The following KMT2E variants were observed in gnomAD, a reference collection of about 807,000 sequenced individuals.
The protein encoded by KMT2E is lysine methyltransferase 2E (inactive).
A neutral mutation model predicts 184.6 loss-of-function variants in KMT2E; 30 were observed. That is an observed-to-expected ratio of 0.16 (90% CI 0.12 to 0.22). The LOEUF is 0.22. Ranked by LOEUF, KMT2E falls within the 10% of genes least tolerant of loss-of-function variation. KMT2E has a pLI of 1.00. For missense variants in KMT2E, 2,023 were observed against 2,237.4 expected (o/e 0.90, Z 1.93); for synonymous variants, 815 against 776.5 (o/e 1.05, Z -0.82).
At chr7:105,069,476 T>C (rs1207490631) in intron 6 of KMT2E, among the ~76,000 whole-genome samples, 2 of 152,192 alleles carry the variant, frequency 1.3e-5, no homozygotes, top group Non-Finnish European at 2.9e-5. Flanking sequence ...TTTAGAACTT[T>C]CCCCCCATAG....
rs1364126175 is a variant in KMT2E, at chr7:105,105,489, T to C, written c.2247T>C (p.Pro749=). The C allele has an allele frequency of 6.2e-7, 1 of 1,610,840 alleles. No individual in the cohort carries two copies. Among genetic ancestry groups the C allele is most frequent in the Non-Finnish European group, 8.5e-7 (1 of 1,179,120 alleles). The change falls in exon 18 of 27, where the codon CCT becomes CCC. Residue 749 remains proline, a synonymous_variant. Transcript: ENST00000311117. ...AGAAGAATGAGAAGACAGGAAAACC[T>C]TCAGATGGCCTTTCAGAAAGGCCTC... ...LSEKNEKTGK[P]SDGLSERPLR...
intron 21 of KMT2E, 35 bp from the exon 22 acceptor site, chr7:105,107,327 T>C: frequency 6.5e-7 from 1 of 1,531,862 alleles, no homozygotes; most frequent in Non-Finnish European, 8.8e-7. Context: ...AAGATGTGAT[T>C]ATTTGTGTAA....
intron 26 of KMT2E, 57 bp downstream of exon 26, chr7:105,110,925 G>A (rs1174119202): frequency 1.7e-6 from 2 of 1,197,222 alleles, no homozygotes; most frequent in Non-Finnish European, 2.5e-6. Flanking sequence ...GTGCAGAAAA[G>A]CTGATGGTTA....
chr7:105,064,568 C>T (rs74647879), intron 5 of KMT2E, among the ~76,000 whole-genome samples: 5,164 of 151,784 alleles, frequency 0.034, 316 homozygotes, highest in African/African-American at 0.12. Context: ...TTACTCTTGC[C>T]AAAAAATGAG....
At chr7:105,073,037 G>A (rs202175565) in intron 6 of KMT2E, among the ~76,000 whole-genome samples, 1 of 146,418 alleles carries the variant, frequency 6.8e-6, no homozygotes, top group South Asian at 2.1e-4. Context: ...TTAATTACAT[G>A]TTAACATTAT....
chr7:105,107,958 T>C, intron 22 of KMT2E, 33 bp downstream of exon 22: 2 of 1,418,224 alleles, frequency 1.4e-6, no homozygotes, highest in Non-Finnish European at 1.9e-6. Context: ...GTCCTTTTAA[T>C]AGTTTTTTTT....
chr7:105,049,963 GGATCTTA>G (rs1187220390), intron 3 of KMT2E, among the ~76,000 whole-genome samples: 1 of 152,048 alleles, frequency 6.6e-6, no homozygotes, highest in Non-Finnish European at 1.5e-5. Flanking sequence ...CTTGCCCTCT[GGATCTTA>G]CCCCTTCTCA....
At position 105,110,974 on chromosome 7, in the gene KMT2E, T is replaced by G. The variant is rs534555481; in HGVS notation, c.4068+106T>G. On this transcript the variant is annotated intron_variant, in intron 26 of 26. Coordinates refer to ENST00000311117, the MANE Select transcript of KMT2E (RefSeq NM_182931.3). The stretch of plus-strand genomic sequence containing the variant: ...TTTTCTGCTGTATCAAGTATCAACT[T>G]GTGACTTCTGGACACTTTTCCTGTC... 43 of 744,972 alleles carry G rather than the reference T, an allele frequency of 5.8e-5. 1 individual carries two copies. The South Asian group carries it at 6.9e-4, about 12-fold the overall frequency. The allele number at this position is 744,972 out of a possible 1,614,324, so 46.1% of individuals were successfully genotyped here. A position where few individuals can be genotyped will look rare whatever the true frequency, so the allele number is the denominator to read the frequency against.
rs970337186 is a variant in KMT2E at position 105,073,050 on chromosome 7, GT to G, written c.498-558del. Among the ~76,000 whole-genome samples the G allele has an allele frequency of 6.5e-4, 94 of 145,626 alleles. 1 individual carries two copies. Among genetic ancestry groups the G allele is most frequent in the East Asian group, 1.8e-3 (9 of 5,034 alleles). On this transcript the variant is annotated intron_variant, in intron 6 of 26. Coordinates refer to ENST00000311117, the MANE Select transcript of KMT2E (RefSeq NM_182931.3). Reference sequence around the variant, plus strand: ...TTTTAATTACATGTTAACATTATGGGTTTTTTTTTTTCAGACTTTTTGCTTT... The same window carrying G: ...TTTTAATTACATGTTAACATTATGGGTTTTTTTTTTCAGACTTTTTGCTTT...
chr7:105,088,967 G>C (rs1798094922), intron 13 of KMT2E, among the ~76,000 whole-genome samples: 1 of 152,194 alleles, frequency 6.6e-6, no homozygotes, highest in African/African-American at 2.4e-5. Context: ...TTGAGGTTCA[G>C]TATTTGTTAT....
At position 105,113,264 on chromosome 7, in the gene KMT2E, G is replaced by A. The variant is rs772496649; in HGVS notation, c.5508G>A (p.Gln1836=). 6 of 1,614,086 alleles carry A rather than the reference G, an allele frequency of 3.7e-6. No individual in the cohort carries two copies. The highest frequency in any genetic ancestry group is 3.3e-5 in the South Asian group (3 of 91,094). ...AGCAGGCATCTCCAGTGCCTGGACA[G>A]ATTCCAATTCACAGAGCACAGGTGC... is the stretch of plus-strand genomic sequence containing the variant. ...GPQQASPVPG[Q]IPIHRAQVPP... Residue 1836 remains glutamine, a synonymous_variant, in exon 27 of 27, where the codon CAG becomes CAA. Coordinates refer to ENST00000311117, the MANE Select transcript of KMT2E (RefSeq NM_182931.3).
chr7:105,039,481 AAC>A (rs1172485624), intron 2 of KMT2E, among the ~76,000 whole-genome samples: 2 of 152,226 alleles, frequency 1.3e-5, no homozygotes, highest in Non-Finnish European at 2.9e-5. Flanking sequence ...TAACATAAAA[AAC>A]AGTGTTTCTT....
intron 1 of KMT2E, among the ~76,000 whole-genome samples, chr7:105,026,886 G>C (rs1412753735): frequency 6.6e-6 from 1 of 152,036 alleles, no homozygotes; most frequent in African/African-American, 2.4e-5. Flanking sequence ...GTTTAAAATT[G>C]GTACCTCTTA....
At chr7:105,027,672 G>A (rs1021823268) in intron 1 of KMT2E, among the ~76,000 whole-genome samples, 18 of 151,928 alleles carry the variant, frequency 1.2e-4, no homozygotes, top group Non-Finnish European at 1.9e-4. Flanking sequence ...TCCCATTTCC[G>A]GGTTTTTGTT....
chr7:105,094,546 C>T (rs935618958), intron 15 of KMT2E, among the ~76,000 whole-genome samples: 7 of 152,120 alleles, frequency 4.6e-5, no homozygotes, highest in Non-Finnish European at 8.8e-5. Context: ...TGTTGGCCAT[C>T]AAAAAGTTCT....
At chr7:105,053,485 T>C (rs544677541) in intron 3 of KMT2E, among the ~76,000 whole-genome samples, 5 of 152,318 alleles carry the variant, frequency 3.3e-5, no homozygotes, top group African/African-American at 1.2e-4. Context: ...ACTTAAAATA[T>C]ATAATAATTT....
chr7:105,094,032 A>G (rs981929791), intron 15 of KMT2E, among the ~76,000 whole-genome samples: 6 of 152,250 alleles, frequency 3.9e-5, no homozygotes, highest in African/African-American at 1.4e-4. Context: ...TGTTACTTCT[A>G]ATTAGTTCAT....
chr7:105,059,987 T>G (rs991553114), intron 3 of KMT2E, among the ~76,000 whole-genome samples: 2 of 63,910 alleles, frequency 3.1e-5, no homozygotes, highest in East Asian at 1.1e-3. Context: ...TGTTTTTTTT[T>G]TTTTTTTTTT....
At chr7:105,095,918 GATC>G (rs1798391295) in intron 15 of KMT2E, among the ~76,000 whole-genome samples, 1 of 152,136 alleles carries the variant, frequency 6.6e-6, no homozygotes, top group South Asian at 2.1e-4. Context: ...AGCTTAAAGT[GATC>G]ATTTTAAAAG....
Sources: gnomAD v4.1 joint callset for allele counts (sites outside exome capture counted in the v4.1 genomes callset) on GRCh38, gnomAD v4.1.1 for gene constraint, MANE v1.5 for transcripts, NCBI Gene and HGNC (gene_info 2026-07-23, HGNC 2026-07-21) for gene names.